Variants in NPC1 observed in about 807,000 individuals in gnomAD.
NPC1 encodes the protein NPC intracellular cholesterol transporter 1.
NPC1 carries 85 observed loss-of-function variants against 140.4 expected under a neutral mutation model. The observed-to-expected ratio is 0.61, with a 90% CI of 0.51 to 0.72. The LOEUF (loss-of-function observed/expected upper bound fraction) is 0.72. NPC1 is among the 30% of genes least tolerant of loss of function. The pLI is 0.00. For synonymous variants in NPC1, 656 were observed against 624.8 expected (o/e 1.05, Z -0.74); for missense variants, 1,504 against 1,623.8 (o/e 0.93, Z 1.27).
chr18:23,508,898 A>C (rs2057778758), intron 3 of NPC1: 1 of 171,642 alleles, frequency 5.8e-6, no homozygotes. Context: ...CAGTATGGTG[A>C]TTCCTGCAGG....
chr18:23,560,897 A>C (rs1432808367), intron 5 of NPC1, among the ~76,000 whole-genome samples: 1 of 152,206 alleles, frequency 6.6e-6, no homozygotes, highest in Non-Finnish European at 1.5e-5. Flanking sequence ...AGCACCCCCT[A>C]AATTAGCCAC....
intron 3 of NPC1, among the ~76,000 whole-genome samples, chr18:23,571,072 C>T (rs1425254464): frequency 1.3e-5 from 2 of 152,150 alleles, no homozygotes; most frequent in South Asian, 2.1e-4. Flanking sequence ...GGAGCCTGGC[C>T]GCAGTGCAGA....
At chr18:23,555,109 T>C in intron 8 of NPC1, 125 bp from the exon 9 acceptor site, 1 of 728,262 alleles carries the variant, frequency 1.4e-6, no homozygotes. Flanking sequence ...CTTCCTAAGA[T>C]GAGGGAGAGA....
chr18:23,529,795 T>C (rs1298360311), downstream of NPC1: 109 of 1,367,984 alleles, frequency 8.0e-5, no homozygotes, highest in Non-Finnish European at 8.3e-6. Context: ...AGATGACTCA[T>C]ATGCTAAGAC....
At chr18:23,549,864 C>T (rs1281458973) in intron 10 of NPC1, among the ~76,000 whole-genome samples, 2 of 151,724 alleles carry the variant, frequency 1.3e-5, no homozygotes, top group Non-Finnish European at 2.9e-5. Flanking sequence ...GCCTCAGTCT[C>T]CCGAGTAGCT....
chr18:23,571,685 T>G (rs1251116879), intron 3 of NPC1, among the ~76,000 whole-genome samples: 2 of 149,490 alleles, frequency 1.3e-5, no homozygotes, highest in East Asian at 3.9e-4. Context: ...AAAACATAAA[T>G]AAAATTAGCT....
intron 3 of NPC1, among the ~76,000 whole-genome samples, chr18:23,515,180 TTGCTCTTAGGTGTATCCATGTGCTCCACA>T (rs1315816607): frequency 6.6e-6 from 1 of 152,108 alleles, no homozygotes; most frequent in Non-Finnish European, 1.5e-5. Context: ...TTGTTGTAAA[TTGCTCTTAGGTGTATCCATGTGCTCCACA>T]TGCCCAGGCA....
At chr18:23,574,867 T>G (rs186402454) in intron 1 of NPC1, among the ~76,000 whole-genome samples, 4 of 152,350 alleles carry the variant, frequency 2.6e-5, no homozygotes, top group Admixed American at 6.5e-5. Flanking sequence ...CCAATTGTTA[T>G]TCCCATAAAC....
At chr18:23,532,853 G>A in intron 24 of NPC1, 2 of 984,756 alleles carry the variant, frequency 2.0e-6, no homozygotes, top group Non-Finnish European at 2.4e-6. Context: ...AATCAGTATT[G>A]TTCTTTCAAC....
chr18:23,568,792 G>T, intron 4 of NPC1, 31 bp downstream of exon 4: 1 of 1,582,316 alleles, frequency 6.3e-7, no homozygotes, highest in African/African-American at 1.3e-5. Flanking sequence ...GATGCCAGCT[G>T]TAAAAGAGGA....
intron 3 of NPC1, among the ~76,000 whole-genome samples, chr18:23,570,134 A>G (rs763235367): frequency 9.2e-5 from 14 of 152,334 alleles, no homozygotes; most frequent in African/African-American, 1.7e-4. Context: ...AGAAACCACA[A>G]TTGTATTATT....
downstream of NPC1, chr18:23,528,162 C>A: frequency 2.9e-6 from 1 of 350,116 alleles, no homozygotes; most frequent in East Asian, 5.5e-5. Context: ...TTGATCTTGC[C>A]TGTAGATCCT....
At chr18:23,564,475 A>G (rs893717204) in intron 4 of NPC1, among the ~76,000 whole-genome samples, 4 of 151,740 alleles carry the variant, frequency 2.6e-5, no homozygotes, top group East Asian at 1.9e-4. Flanking sequence ...CCACAGGTAC[A>G]TGCCACCATG....
Position 23,539,982 on chromosome 18 carries a change from T to A in NPC1, c.2624A>T (p.Tyr875Phe). The change falls in exon 18 of 25, where the codon TAT (tyrosine) becomes TTT (phenylalanine). Residue 875 changes from tyrosine (Y) to phenylalanine (F), a missense_variant. Tyr to Phe is a conservative substitution (Grantham distance 22, BLOSUM62 3). Transcript: ENST00000269228. ...CAGGTACTGACTGATGGATTTGAAA[T>A]AATCCACCATGTAGGAGTCCTGAAA... ...SMPDDSYMVD[Y>F]FKSISQYLHA... 3 of 1,613,678 alleles carry A rather than the reference T, an allele frequency of 1.9e-6. No homozygotes were observed. The highest frequency in any genetic ancestry group is 2.5e-6 in the Non-Finnish European group (3 of 1,179,582).
intron 4 of NPC1, among the ~76,000 whole-genome samples, chr18:23,562,540 G>A (rs1218018670): frequency 6.6e-6 from 1 of 151,914 alleles, no homozygotes; most frequent in African/African-American, 2.4e-5. Context: ...CCCTTGTTCT[G>A]GAAAGACAGG....
At chr18:23,527,673 C>G (rs1006850902), downstream of NPC1, 10 of 409,962 alleles carry the variant, frequency 2.4e-5, no homozygotes, top group Non-Finnish European at 4.1e-5. Flanking sequence ...AGTAGAGTGT[C>G]CTTTAAAGGT....
chr18:23,534,495 C>T lies in NPC1; in HGVS notation c.3542G>A (p.Gly1181Asp), dbSNP rs1467285241. 1.2e-6 allele frequency: 2 copies of T among 1,614,024 alleles called. No individual in the cohort carries two copies. The highest frequency in any genetic ancestry group is 1.7e-6 in the Non-Finnish European group (2 of 1,180,054). ...CTCTTCCGCGCGCTCCACGCGGCTG[C>T]CTTTCATGCTCACCGTGAACGCTCT... ...ITRAFTVSMKGSRVERAEEAL... is the reference protein window; with the variant it reads ...ITRAFTVSMKDSRVERAEEAL... The change falls in exon 23 of 25, where the codon GGC becomes GAC. Residue 1181 changes from glycine (G) to aspartate (D), a missense_variant. Transcript: ENST00000269228.
At chr18:23,529,308 A>C (rs1213503731), downstream of NPC1, 1 of 1,603,808 alleles carries the variant, frequency 6.2e-7, no homozygotes, top group Non-Finnish European at 8.5e-7. Context: ...GGTGGGCTGC[A>C]GCTTTCCGCC....
intron 20 of NPC1, among the ~76,000 whole-genome samples, chr18:23,537,197 A>T (rs2058644861): frequency 6.6e-6 from 1 of 152,064 alleles, no homozygotes; most frequent in Non-Finnish European, 1.5e-5. Flanking sequence ...AGCCTCCCGA[A>T]TAGCTGGGAT....
Sources: allele counts gnomAD v4.1 joint callset (sites outside exome capture counted in the v4.1 genomes callset), GRCh38; gene constraint gnomAD v4.1.1; transcripts MANE v1.5; gene names NCBI Gene and HGNC (gene_info 2026-07-23, HGNC 2026-07-21).